The following PODXL2 variants were observed in gnomAD, a reference collection of about 807,000 sequenced individuals.
PODXL2 encodes podocalyxin like 2.
PODXL2 carries 17 observed loss-of-function variants against 53.4 expected under a neutral mutation model. The ratio of observed to expected loss-of-function variants is 0.32; its 90% CI spans 0.22 to 0.48. The LOEUF (loss-of-function observed/expected upper bound fraction) is 0.48. PODXL2 is among the 20% of genes least tolerant of loss of function. The pLI is 0.99. For missense variants in PODXL2, 673 were observed against 760.0 expected, an observed-to-expected ratio of 0.89 and a Z score of 1.35; for synonymous variants, 311 against 306.7, an observed-to-expected ratio of 1.01 and a Z score of -0.15.
In PODXL2 at chr3:127,660,859, A is replaced by G. The variant is rs529421237; in HGVS notation, c.831A>G (p.Val277=). The G allele has an allele frequency of 4.6e-5, 75 of 1,614,144 alleles. 1 individual carries two copies. In the South Asian group the frequency reaches 4.9e-4, roughly 11 times the overall value. The part of the protein sequence containing the change: ...ATVLPAAGLG[V]EFEAPQEASE... ...TGCTGCCAGCTGCAGGGCTTGGGGT[A>G]GAGTTCGAGGCTCCTCAGGAAGCAA... Residue 277 remains valine, a synonymous_variant, in exon 3 of 8, where the codon GTA becomes GTG. Transcript: ENST00000342480.
intron 2 of PODXL2, among the ~76,000 whole-genome samples, chr3:127,645,372 C>T (rs2074646170): frequency 2.6e-5 from 4 of 152,234 alleles, no homozygotes; most frequent in Admixed American, 2.6e-4. Flanking sequence ...TGCTGGGAAG[C>T]TCTTCTCCAT....
rs180770453 is a variant in PODXL2, at chr3:127,636,946, A to G, written c.71-2299A>G. Among the ~76,000 whole-genome samples, 8 of 152,220 alleles carry G rather than the reference A, an allele frequency of 5.3e-5. No homozygotes were observed. The East Asian group carries it at 1.5e-3, about 29-fold the overall frequency. On this transcript the variant is annotated intron_variant, in intron 1 of 7. Transcript: ENST00000342480. The stretch of plus-strand genomic sequence containing the variant: ...TCAAGCAATTCTCCTGCCTTAGCCT[A>G]CCAAGTAGCTGGAGACTACATGCGT...
rs749009083 is a variant in PODXL2 at position 127,660,691 on chromosome 3, G to T, written c.663G>T (p.Arg221Ser). The T allele has an allele frequency of 3.7e-6, 6 of 1,614,048 alleles. No individual in the cohort carries two copies. Among genetic ancestry groups the T allele is most frequent in the Non-Finnish European group, 5.1e-6 (6 of 1,180,042 alleles). The change falls in exon 3 of 8, where the codon AGG becomes AGT. Residue 221 changes from arginine to serine, a missense_variant. Arg to Ser is a moderately radical substitution (Grantham distance 110, BLOSUM62 -1). Around this residue, in one of 3 missense-constraint regions of PODXL2, gnomAD observed 588 missense variants for 668.3 expected, o/e 0.88. Coordinates refer to ENST00000342480, the MANE Select transcript of PODXL2 (RefSeq NM_015720.4). ...AGACCCCAGGGGCCACCAAAAGCAGGCATGAAGACTCCGGGGACCAGGCCT... is the reference window on the plus strand; with the variant it reads ...AGACCCCAGGGGCCACCAAAAGCAGTCATGAAGACTCCGGGGACCAGGCCT... ...SSQTPGATKS[R>S]HEDSGDQASS...
intron 4 of PODXL2, among the ~76,000 whole-genome samples, chr3:127,663,919 T>G (rs1007410956): frequency 2.0e-5 from 3 of 152,244 alleles, no homozygotes; most frequent in African/African-American, 7.2e-5. Flanking sequence ...TTTTCCCTGT[T>G]TTTGTCTTCT....
chr3:127,639,325 C>G lies in PODXL2; in HGVS notation c.151C>G (p.Leu51Val). The G allele has an allele frequency of 6.2e-7, 1 of 1,614,146 alleles. No homozygotes were observed. Among genetic ancestry groups the G allele is most frequent in the South Asian group, 1.1e-5 (1 of 91,082 alleles). ...CACCTCCACCTCCCTGCTAGACCTC[C>G]TGCTGCCCACTGGCTTGGAGCCACT... Reference protein sequence around the residue: ...GLTSTSLLDLLLPTGLEPLDS... With the variant: ...GLTSTSLLDLVLPTGLEPLDS... The change falls in exon 2 of 8, where the codon CTG becomes GTG. Residue 51 changes from leucine to valine, a missense_variant. By Grantham distance (32) the Leu-to-Val change is conservative. This residue lies in a region of PODXL2 where 588 missense variants were observed against 668.3 expected (regional missense o/e 0.88). Transcript: ENST00000342480.
intron 2 of PODXL2, 48 bp downstream of exon 2, chr3:127,639,571 C>T (rs1286196947): frequency 6.6e-7 from 1 of 1,512,148 alleles, no homozygotes; most frequent in East Asian, 2.3e-5. Flanking sequence ...AGCCAAGTGT[C>T]TAGGCAAAAC....
intron 2 of PODXL2, among the ~76,000 whole-genome samples, chr3:127,640,859 G>T (rs533226673): frequency 6.8e-4 from 103 of 152,132 alleles, no homozygotes; most frequent in African/African-American, 2.3e-3. Context: ...TATTTCATAA[G>T]TATATTTCCG....
At chr3:127,648,295 G>T (rs951941733) in intron 2 of PODXL2, among the ~76,000 whole-genome samples, 7 of 152,208 alleles carry the variant, frequency 4.6e-5, no homozygotes, top group African/African-American at 1.4e-4. Flanking sequence ...CTGTCTGCTG[G>T]GACCTGGAGC....
chr3:127,629,285 T>G lies in PODXL2; in HGVS notation c.66T>G (p.Val22=). 2 of 1,012,040 alleles carry G rather than the reference T, an allele frequency of 2.0e-6. No homozygotes were observed. The highest frequency in any genetic ancestry group is 2.4e-6 in the Non-Finnish European group (2 of 847,688). The allele number at this position is 1,012,040 out of a possible 1,614,324, so 62.7% of individuals were successfully genotyped here. The change falls in exon 1 of 8, where the codon GTT becomes GTG. Residue 22 remains valine, a synonymous_variant. Coordinates refer to ENST00000342480, the MANE Select transcript of PODXL2 (RefSeq NM_015720.4). This position sits in a 1 kb window ranked among gnomAD's most constrained non-coding sequence, Gnocchi z 6.4. The stretch of plus-strand genomic sequence containing the variant: ...TTTCGCCGCTGCTGCTTCTGCTGGT[T>G]GGGGGTGAGTGCGCTCCGGGCCCGA... The part of the protein sequence containing the change: ...PLLSPLLLLL[V]GGAFLGACVA...
chr3:127,643,246 A>G (rs1383855358), intron 2 of PODXL2, among the ~76,000 whole-genome samples: 2 of 152,106 alleles, frequency 1.3e-5, no homozygotes, highest in African/African-American at 4.8e-5. Flanking sequence ...GTTTTGCTCT[A>G]GTCACCCAGG....
At chr3:127,670,031 T>C (rs2074822266) in intron 6 of PODXL2, among the ~76,000 whole-genome samples, 1 of 152,242 alleles carries the variant, frequency 6.6e-6, no homozygotes, top group Non-Finnish European at 1.5e-5. Context: ...GGTATAATGC[T>C]GGCCGCCTCT....
intron 1 of PODXL2, among the ~76,000 whole-genome samples, chr3:127,635,904 T>G (rs913418957): frequency 6.6e-6 from 1 of 152,358 alleles, no homozygotes; most frequent in African/African-American, 2.4e-5. Context: ...CCTTTGCTGG[T>G]CTTGTCTGGC....
intron 2 of PODXL2, among the ~76,000 whole-genome samples, chr3:127,657,757 TC>T (rs1364784191): frequency 2.0e-5 from 3 of 152,242 alleles, no homozygotes; most frequent in Non-Finnish European, 4.4e-5. Flanking sequence ...AGTATTCCTA[TC>T]AAGTAATCAT....
At position 127,629,192 on chromosome 3, in the gene PODXL2, T is replaced by G. The variant is rs956557146; in HGVS notation, c.-28T>G. 2.0e-6 allele frequency: 2 copies of G among 980,608 alleles called. No individual in the cohort carries two copies. Among genetic ancestry groups the G allele is most frequent in the East Asian group, 2.3e-4 (2 of 8,634 alleles). 60.7% of individuals were successfully genotyped at this position (980,608 alleles called of 1,614,324 possible). A position where few individuals can be genotyped will look rare whatever the true frequency, so the allele number is the denominator to read the frequency against. ...GACGCGGGCCCGGGCGCCGCGCCGCTGCGGCTGCAGGCGGCGACGGCTACA... is the reference window on the plus strand; with the variant it reads ...GACGCGGGCCCGGGCGCCGCGCCGCGGCGGCTGCAGGCGGCGACGGCTACA... On this transcript the variant is annotated 5_prime_UTR_variant, in exon 1 of 8. Coordinates refer to ENST00000342480, the MANE Select transcript of PODXL2 (RefSeq NM_015720.4). The surrounding 1 kb of genome is among the most constrained non-coding windows in gnomAD (Gnocchi z 6.4).
intron 2 of PODXL2, among the ~76,000 whole-genome samples, chr3:127,642,907 T>C (rs548860728): frequency 6.6e-6 from 1 of 152,304 alleles, no homozygotes; most frequent in South Asian, 2.1e-4. Flanking sequence ...GTTTCCCATC[T>C]AGGAAATGGA....
chr3:127,670,036 G>A (rs553182596), intron 6 of PODXL2, among the ~76,000 whole-genome samples: 107 of 152,326 alleles, frequency 7.0e-4, no homozygotes, highest in Non-Finnish European at 9.8e-4. Flanking sequence ...AATGCTGGCC[G>A]CCTCTTCATC....
intron 1 of PODXL2, among the ~76,000 whole-genome samples, chr3:127,630,811 G>A (rs981713396): frequency 7.9e-5 from 12 of 152,184 alleles, no homozygotes; most frequent in Non-Finnish European, 1.0e-4. Context: ...ATTCTTTCAC[G>A]CCGTAAATCC....
rs562676993 is a variant in PODXL2 at position 127,671,292 on chromosome 3, C to T, written c.1426-142C>T. The T allele has an allele frequency of 3.1e-4, 225 of 717,432 alleles. 1 individual carries two copies. The highest frequency in any genetic ancestry group is 4.5e-4 in the Non-Finnish European group (192 of 430,468). 44.4% of individuals were successfully genotyped at this position (717,432 alleles called of 1,614,324 possible). On this transcript the variant is annotated intron_variant, in intron 6 of 7. Coordinates refer to ENST00000342480, the MANE Select transcript of PODXL2 (RefSeq NM_015720.4). ...GGCATGGGGTAGAGGCAAGCCCAGG[C>T]GCCAGGGAACTTCAGGAGCCGGGAG... is the stretch of plus-strand genomic sequence containing the variant.
rs570587996 is a variant in PODXL2 at position 127,658,050 on chromosome 3, T to C, written c.350-2328T>C. 9.8e-5 allele frequency among the ~76,000 whole-genome samples: 15 copies of C among 152,346 alleles called. No individual in the cohort carries two copies. The East Asian group carries it at 2.9e-3, about 29-fold the overall frequency. On this transcript the variant is annotated intron_variant, in intron 2 of 7. Transcript: ENST00000342480. Reference sequence around the variant, plus strand: ...CTTTCTTAAAATGTCTTGTGAATCTTGGTTGTTCTTTCTTTCTTATTTATC... The same window carrying C: ...CTTTCTTAAAATGTCTTGTGAATCTCGGTTGTTCTTTCTTTCTTATTTATC...
Sources: allele counts gnomAD v4.1 joint callset (sites outside exome capture counted in the v4.1 genomes callset), GRCh38; gene constraint gnomAD v4.1.1; regional missense constraint gnomAD v4.1.1; non-coding constraint Gnocchi (gnomAD v3.1); transcripts MANE v1.5; gene names NCBI Gene and HGNC (gene_info 2026-07-23, HGNC 2026-07-21).